UBR3: variants seen among roughly 807,000 people sequenced by gnomAD.
UBR3 encodes the protein ubiquitin protein ligase E3 component n-recognin 3, also known as E3 ubiquitin-protein ligase UBR3.
In UBR3, 85 loss-of-function variants were observed where a neutral mutation model predicts 243.2. The observed-to-expected ratio is 0.35, with a 90% CI of 0.29 to 0.42. UBR3 has a LOEUF of 0.42. UBR3 is among the 10% of genes least tolerant of loss of function. The pLI is 1.00. For missense variants in UBR3, 1,686 were observed against 2,300.8 expected (o/e 0.73, Z 5.47); for synonymous variants, 748 against 799.8 (o/e 0.94, Z 1.09).
chr2:169,920,154 A>G (rs1056411197), intron 11 of UBR3, among the ~76,000 whole-genome samples: 2 of 152,172 alleles, frequency 1.3e-5, no homozygotes, highest in African/African-American at 4.8e-5. Flanking sequence ...TGATGAGTTC[A>G]TGTCCTTTGT....
intron 35 of UBR3, among the ~76,000 whole-genome samples, chr2:170,066,105 ATTCT>A (rs1305093387): frequency 1.3e-5 from 2 of 152,112 alleles, no homozygotes; most frequent in Non-Finnish European, 2.9e-5. Flanking sequence ...AAATTCAGTT[ATTCT>A]TTCTAATAGT....
intron 1 of UBR3, among the ~76,000 whole-genome samples, chr2:169,841,315 A>G: frequency 6.6e-6 from 1 of 152,156 alleles, no homozygotes; most frequent in Non-Finnish European, 1.5e-5. Context: ...ATCCTAGTTT[A>G]TAGCTCTTAA....
intron 1 of UBR3, among the ~76,000 whole-genome samples, chr2:169,845,670 C>G (rs911211122): frequency 2.0e-5 from 3 of 151,434 alleles, no homozygotes; most frequent in African/African-American, 7.3e-5. Context: ...ACTGCAGCCT[C>G]CATCTCCCGG....
chr2:169,855,732 C>T (rs979252488), intron 1 of UBR3, among the ~76,000 whole-genome samples: 1 of 152,234 alleles, frequency 6.6e-6, no homozygotes, highest in Non-Finnish European at 1.5e-5. Context: ...AAAATGGAGT[C>T]TCCTATGTCT....
intron 1 of UBR3, among the ~76,000 whole-genome samples, chr2:169,850,171 CTTTTTT>C (rs56133731): frequency 1.7e-5 from 1 of 57,262 alleles, no homozygotes. Context: ...TGTTCTAGAG[CTTTTTT>C]TTTTTTTTTT....
chr2:169,917,028 G>A (rs1421008702), intron 11 of UBR3, among the ~76,000 whole-genome samples: 3 of 152,096 alleles, frequency 2.0e-5, no homozygotes, highest in Non-Finnish European at 2.9e-5. Context: ...TTTAGGAAGG[G>A]AAGAACCCTT....
At position 169,914,164 on chromosome 2, in the gene UBR3, G is replaced by C; in HGVS notation, c.1866+18G>C. Reference sequence around the variant, plus strand: ...TAGACGAGGTATGTATATTTTTGATGTATGTAAATTTTTTGATGTATGTAA... The same window carrying C: ...TAGACGAGGTATGTATATTTTTGATCTATGTAAATTTTTTGATGTATGTAA... On this transcript the variant is annotated intron_variant, in intron 11 of 38. Transcript: ENST00000272793. 1.4e-6 allele frequency: 2 copies of C among 1,422,852 alleles called. No homozygotes were observed. Among genetic ancestry groups the C allele is most frequent in the Non-Finnish European group, 1.9e-6 (2 of 1,071,144 alleles). 88.1% of individuals were successfully genotyped at this position (1,422,852 alleles called of 1,614,324 possible).
At chr2:169,870,917 G>A (rs2083416307) in intron 1 of UBR3, among the ~76,000 whole-genome samples, 1 of 150,388 alleles carries the variant, frequency 6.6e-6, no homozygotes, top group Non-Finnish European at 1.5e-5. Flanking sequence ...GCCTCCCAAA[G>A]TGCTGGGATT....
intron 20 of UBR3, among the ~76,000 whole-genome samples, chr2:169,943,554 T>G (rs576621834): frequency 1.3e-5 from 2 of 152,182 alleles, no homozygotes; most frequent in African/African-American, 2.4e-5. Flanking sequence ...TGAGCCCAGA[T>G]TGTGCCACTG....
At chr2:169,942,137 A>T (rs945437790) in intron 19 of UBR3, among the ~76,000 whole-genome samples, 2 of 152,168 alleles carry the variant, frequency 1.3e-5, no homozygotes, top group African/African-American at 4.8e-5. Context: ...TTTTCCAACC[A>T]TTCGTAGTGG....
At chr2:169,840,033 C>G (rs182830461) in intron 1 of UBR3, among the ~76,000 whole-genome samples, 1 of 152,160 alleles carries the variant, frequency 6.6e-6, no homozygotes, top group East Asian at 1.9e-4. Flanking sequence ...TGGACTGCTT[C>G]TGTGTCTCTT....
At chr2:169,889,101 C>T (rs576381661) in intron 5 of UBR3, among the ~76,000 whole-genome samples, 10 of 152,090 alleles carry the variant, frequency 6.6e-5, no homozygotes, top group Non-Finnish European at 1.3e-4. Context: ...GTAAGAGTAC[C>T]TATTTTCCCA....
chr2:170,053,909 T>C (rs1258304849), intron 32 of UBR3, among the ~76,000 whole-genome samples: 1 of 152,158 alleles, frequency 6.6e-6, no homozygotes, highest in Non-Finnish European at 1.5e-5. Flanking sequence ...TTATTAGCTT[T>C]GATATCACAA....
At chr2:169,944,522 T>C (rs2086713224) in intron 20 of UBR3, among the ~76,000 whole-genome samples, 1 of 152,186 alleles carries the variant, frequency 6.6e-6, no homozygotes, top group East Asian at 1.9e-4. Context: ...TTTTCTCAAC[T>C]TTAAAATAAC....
intron 35 of UBR3, among the ~76,000 whole-genome samples, chr2:170,072,359 G>C (rs1445760266): frequency 6.6e-6 from 1 of 151,512 alleles, no homozygotes; most frequent in Non-Finnish European, 1.5e-5. Context: ...ACTCATAGGT[G>C]GGAATTGAAC....
At chr2:169,897,980 C>G (rs898838479) in intron 8 of UBR3, among the ~76,000 whole-genome samples, 2 of 152,108 alleles carry the variant, frequency 1.3e-5, no homozygotes, top group Non-Finnish European at 2.9e-5. Context: ...GGTTATACAG[C>G]CAGCAAATGA....
At chr2:170,076,397 C>A (rs946189524) in intron 36 of UBR3, among the ~76,000 whole-genome samples, 14 of 152,160 alleles carry the variant, frequency 9.2e-5, no homozygotes, top group Non-Finnish European at 1.2e-4. Flanking sequence ...AACCATTTTA[C>A]TTATGACTGC....
At chr2:169,884,759 AAGAT>A (rs1376415087) in intron 5 of UBR3, among the ~76,000 whole-genome samples, 3 of 150,906 alleles carry the variant, frequency 2.0e-5, no homozygotes, top group Non-Finnish European at 4.4e-5. Context: ...TTTGGAAAGA[AAGAT>A]AAGAAGTTCC....
chr2:170,003,312 G>A (rs2089781121), intron 27 of UBR3, among the ~76,000 whole-genome samples: 1 of 152,176 alleles, frequency 6.6e-6, no homozygotes. Flanking sequence ...CCTCCTGATA[G>A]GATAAAGTTC....
Sources: allele counts gnomAD v4.1 joint callset (sites outside exome capture counted in the v4.1 genomes callset), GRCh38; gene constraint gnomAD v4.1.1; transcripts MANE v1.5; gene names NCBI Gene and HGNC (gene_info 2026-07-23, HGNC 2026-07-21).